Variants in MAP7 observed in about 807,000 individuals in gnomAD.
MAP7 encodes ensconsin.
Under a neutral mutation model 94.8 loss-of-function variants are expected in MAP7, and 52 were observed. The ratio of observed to expected loss-of-function variants is 0.55; its 90% confidence interval spans 0.44 to 0.69. The LOEUF (loss-of-function observed/expected upper bound fraction) is 0.69, where lower values mean the gene tolerates loss of function less well. Ranked by LOEUF, MAP7 falls within the 30% of genes least tolerant of loss-of-function variation. MAP7 has a pLI of 0.00. For missense variants in MAP7, 940 were observed against 964.6 expected, an observed-to-expected ratio of 0.97 and a Z score of 0.34; for synonymous variants, 350 against 357.0, an observed-to-expected ratio of 0.98 and a Z score of 0.22.
At chr6:136,545,834 G>A (rs957582445) in intron 1 of MAP7, among the ~76,000 whole-genome samples, 1 of 151,786 alleles carries the variant, frequency 6.6e-6, no homozygotes, top group East Asian at 1.9e-4. Flanking sequence ...TTTGATACAG[G>A]CATGCAATGT....
intron 1 of MAP7, among the ~76,000 whole-genome samples, chr6:136,429,012 T>C (rs1026564713): frequency 1.3e-5 from 2 of 152,212 alleles, no homozygotes; most frequent in Admixed American, 6.5e-5. Flanking sequence ...CATCTTATCA[T>C]TAATATTTTT....
intron 1 of MAP7, among the ~76,000 whole-genome samples, chr6:136,487,703 G>A (rs1212056966): frequency 1.3e-5 from 2 of 149,688 alleles, no homozygotes; most frequent in Non-Finnish European, 2.9e-5. Flanking sequence ...AGCATGACTT[G>A]ATCTCCAGGA....
intron 3 of MAP7, among the ~76,000 whole-genome samples, chr6:136,394,931 C>CATATATATATATATATATATACAT (rs1781894698): frequency 3.6e-5 from 1 of 27,494 alleles, no homozygotes; most frequent in African/African-American, 8.6e-5. Flanking sequence ...AATATTCCAT[C>CATATATATATATATATATATACAT]ATATATATAT....
intron 10 of MAP7, among the ~76,000 whole-genome samples, chr6:136,363,938 TAA>T (rs1203479415): frequency 1.3e-5 from 2 of 152,234 alleles, no homozygotes; most frequent in African/African-American, 2.4e-5. Context: ...AAGTCTGAGG[TAA>T]AAACCAAGGG....
chr6:136,546,312 CTTT>C (rs1354610962), intron 1 of MAP7, among the ~76,000 whole-genome samples: 1 of 145,130 alleles, frequency 6.9e-6, no homozygotes, highest in African/African-American at 2.5e-5. Flanking sequence ...TGCCTCTGGC[CTTT>C]TTTTTTTTCA....
intron 1 of MAP7, among the ~76,000 whole-genome samples, chr6:136,488,080 G>T (rs1372757867): frequency 1.3e-5 from 2 of 152,098 alleles, no homozygotes; most frequent in African/African-American, 2.4e-5. Flanking sequence ...TTTCTATGAC[G>T]ATTTTCTTTT....
At chr6:136,527,407 TC>T (rs1583149105) in intron 1 of MAP7, among the ~76,000 whole-genome samples, 2 of 152,256 alleles carry the variant, frequency 1.3e-5, no homozygotes, top group East Asian at 1.9e-4. Flanking sequence ...ATCCTCCCAC[TC>T]CCCAACTACT....
intron 7 of MAP7, 140 bp downstream of exon 7, chr6:136,377,615 G>A: frequency 3.2e-6 from 2 of 622,464 alleles, no homozygotes; most frequent in Non-Finnish European, 5.8e-6. Flanking sequence ...AATGACAGGG[G>A]TATGAAACCA....
At chr6:136,349,200 C>T (rs191940727) in intron 16 of MAP7, among the ~76,000 whole-genome samples, 8 of 152,230 alleles carry the variant, frequency 5.3e-5, no homozygotes, top group Non-Finnish European at 5.9e-5. Flanking sequence ...AGTACTCTCT[C>T]TTAAGAACCA....
At chr6:136,391,259 G>A (rs1342845620) in intron 3 of MAP7, among the ~76,000 whole-genome samples, 1 of 150,746 alleles carries the variant, frequency 6.6e-6, no homozygotes, top group Middle Eastern at 3.2e-3. Context: ...TAGGGACATG[G>A]ATGAAACTGG....
At chr6:136,532,004 T>C (rs560173285) in intron 1 of MAP7, among the ~76,000 whole-genome samples, 199 of 152,230 alleles carry the variant, frequency 1.3e-3, no homozygotes, top group Non-Finnish European at 2.5e-3. Context: ...CCTATTCAGT[T>C]TATTCCCACT....
intron 1 of MAP7, among the ~76,000 whole-genome samples, chr6:136,500,617 A>T (rs1279937056): frequency 6.6e-6 from 1 of 152,266 alleles, no homozygotes; most frequent in Non-Finnish European, 1.5e-5. Flanking sequence ...CTGACGTAGC[A>T]AAGTGTTGTA....
intron 1 of MAP7, among the ~76,000 whole-genome samples, chr6:136,538,706 C>A (rs766136752): frequency 7.6e-5 from 11 of 144,860 alleles, no homozygotes; most frequent in Non-Finnish European, 1.3e-4. Context: ...ATGGGAGGAT[C>A]GTTGGAGCCC....
chr6:136,448,952 A>G (rs77656585), intron 1 of MAP7, among the ~76,000 whole-genome samples: 8,360 of 151,594 alleles, frequency 0.055, 502 homozygotes, highest in African/African-American at 0.15. Flanking sequence ...CCCCCACTTA[A>G]AGCATGCCTA....
chr6:136,443,085 C>G (rs554738933), intron 1 of MAP7, among the ~76,000 whole-genome samples: 1 of 152,036 alleles, frequency 6.6e-6, no homozygotes, highest in African/African-American at 2.4e-5. Flanking sequence ...ATTATATGTG[C>G]TCCTTTATTA....
At chr6:136,517,330 A>G (rs1392575632) in intron 1 of MAP7, among the ~76,000 whole-genome samples, 3 of 146,866 alleles carry the variant, frequency 2.0e-5, no homozygotes, top group African/African-American at 8.2e-5. Context: ...CTCACAAGTT[A>G]AGGAAAGAGA....
chr6:136,474,145 A>T (rs1294661194), intron 1 of MAP7, among the ~76,000 whole-genome samples: 1 of 152,140 alleles, frequency 6.6e-6, no homozygotes, highest in Non-Finnish European at 1.5e-5. Flanking sequence ...GAATATTAAG[A>T]GGGTAGAAAG....
At chr6:136,537,368 G>C (rs915988929) in intron 1 of MAP7, among the ~76,000 whole-genome samples, 24 of 152,128 alleles carry the variant, frequency 1.6e-4, no homozygotes, top group Non-Finnish European at 3.5e-4. Flanking sequence ...AAAGTTGTTC[G>C]AGTCTCATAG....
At chr6:136,491,412 T>A (rs901085815) in intron 1 of MAP7, among the ~76,000 whole-genome samples, 1 of 152,186 alleles carries the variant, frequency 6.6e-6, no homozygotes, top group South Asian at 2.1e-4. Flanking sequence ...AGGACAAAGC[T>A]GTTTATGACT....
Sources: gnomAD v4.1 joint callset for allele counts (sites outside exome capture counted in the v4.1 genomes callset) on GRCh38, gnomAD v4.1.1 for gene constraint, MANE v1.5 for transcripts, NCBI Gene and HGNC (gene_info 2026-07-23, HGNC 2026-07-21) for gene names.